Variants in LAMB2 observed in about 807,000 individuals in gnomAD.
LAMB2 encodes the protein laminin subunit beta 2.
In LAMB2, 119 loss-of-function variants were observed where a neutral mutation model predicts 202.7. The observed-to-expected ratio is 0.59, with a 90% CI of 0.51 to 0.68. The LOEUF (loss-of-function observed/expected upper bound fraction) is 0.68. Among genes scored for constraint, LAMB2 ranks in the 30% least tolerant of loss-of-function variants. The probability of loss-of-function intolerance (pLI) is 0.00; values close to 1 mark genes in which losing one functional copy is unlikely to be tolerated. For synonymous variants in LAMB2, 818 were observed against 902.2 expected (o/e 0.91, Z 1.67); for missense variants, 2,124 against 2,410.6 (o/e 0.88, Z 2.49).
Position 49,124,455 on chromosome 3 carries a change from G to A in LAMB2, c.3267C>T (p.Gly1089=). The A allele has an allele frequency of 1.2e-6, 2 of 1,613,702 alleles. No homozygotes were observed. Among genetic ancestry groups the A allele is most frequent in the Non-Finnish European group, 1.7e-6 (2 of 1,180,038 alleles). Residue 1089 remains glycine, a synonymous_variant, in exon 22 of 32, where the codon GGC becomes GGT. Transcript: ENST00000305544. ...CAPNFWNLTS[G]HGCQPCACHP... The stretch of plus-strand genomic sequence containing the variant: ...GGCAGGCACAAGGCTGGCAACCATG[G>A]CCACTGGTGAGGTTCCAGAAGTTGG...
rs1272857661 is a variant in LAMB2, at chr3:49,133,011, A to G, written c.-144T>C. ...CCTCTGTCAGTTCCCAGGTCTGTCCAGCGGTCCCTCCGACAGCTTAGAGTC... is the reference window on the plus strand; with the variant it reads ...CCTCTGTCAGTTCCCAGGTCTGTCCGGCGGTCCCTCCGACAGCTTAGAGTC... On this transcript the variant is annotated 5_prime_UTR_variant, in exon 1 of 32. Transcript: ENST00000305544. The G allele has an allele frequency of 5.6e-6, 4 of 719,874 alleles. No homozygotes were observed. The highest frequency in any genetic ancestry group is 1.7e-5 in the African/African-American group (1 of 57,148). 44.6% of individuals were successfully genotyped at this position (719,874 alleles called of 1,614,324 possible).
intron 15 of LAMB2, 128 bp downstream of exon 15, chr3:49,128,330 G>T: frequency 8.0e-7 from 1 of 1,249,166 alleles, no homozygotes; most frequent in Non-Finnish European, 1.1e-6. Flanking sequence ...CTGGCAACCA[G>T]CATTCTGGAG....
chr3:49,126,126 T>C lies in LAMB2; in HGVS notation c.2185A>G (p.Met729Val), dbSNP rs924605921. ...GCAGCAGCATCACCCCCACTAAACA[T>C]CTCTAGCACCAGGACACGGGGCAGC... ...VLLPRVLVLE[M>V]FSGGDAAALE... The change falls in exon 17 of 32, where the codon ATG (methionine) becomes GTG (valine). Residue 729 changes from methionine to valine, a missense_variant. This residue lies in a region of LAMB2 where 1,702 missense variants were observed against 1,896.3 expected (regional missense o/e 0.90). Transcript: ENST00000305544. 6.2e-7 allele frequency: 1 copy of C among 1,613,114 alleles called. No individual in the cohort carries two copies. Among genetic ancestry groups the C allele is most frequent in the African/African-American group, 1.3e-5 (1 of 74,844 alleles).
rs2045479546 is a variant in LAMB2, at chr3:49,131,368, G to A, written c.712+11C>T. The A allele has an allele frequency of 6.2e-7, 1 of 1,613,478 alleles. No individual in the cohort carries two copies. Among genetic ancestry groups the A allele is most frequent in the Non-Finnish European group, 8.5e-7 (1 of 1,179,422 alleles). On this transcript the variant is annotated intron_variant, in intron 6 of 31. Coordinates refer to ENST00000305544, the MANE Select transcript of LAMB2 (RefSeq NM_002292.4). The surrounding 1 kb of genome is among the most constrained non-coding windows in gnomAD (Gnocchi z 5.0). The stretch of plus-strand genomic sequence containing the variant: ...ACGGACTGTGCCAGACTCAAAGGGT[G>A]GAGCACTCACTCTGAATCCGTGAGC...
rs2045328429 is a variant in LAMB2 at position 49,122,354 on chromosome 3, A to G, written c.4590T>C (p.Pro1530=). The change falls in exon 28 of 32, where the codon CCT becomes CCC. Residue 1530 remains proline (P), a synonymous_variant. Transcript: ENST00000305544. ...GTGTGGCCACCATTTCAATGCTATC[A>G]GGATCAGCCCCCTCCTCTATAGGGA... ...KDFLNQEGAD[P]DSIEMVATRV... is the part of the protein sequence containing the mutation. 2 of 1,613,254 alleles carry G rather than the reference A, an allele frequency of 1.2e-6. No homozygotes were observed. Among genetic ancestry groups the G allele is most frequent in the Middle Eastern group, 1.6e-4 (1 of 6,084 alleles).
Position 49,132,317 on chromosome 3 carries a change from G to A in LAMB2, c.338C>T (p.Thr113Ile), listed in dbSNP as rs2045489921. Residue 113 changes from threonine (T) to isoleucine (I), a missense_variant, in exon 3 of 32, where the codon ACC becomes ATC. Coordinates refer to ENST00000305544, the MANE Select transcript of LAMB2 (RefSeq NM_002292.4). This position sits in a 1 kb window ranked among gnomAD's most constrained non-coding sequence, Gnocchi z 4.6. ...PHSHRIQNVV[T>I]SFAPQRRAAW... ...TGCCCGCCGCTGTGGTGCAAAGCTGGTGACTACATTCTGGATGCGATGGCT... is the reference window on the plus strand; with the variant it reads ...TGCCCGCCGCTGTGGTGCAAAGCTGATGACTACATTCTGGATGCGATGGCT... 1 of 1,614,256 alleles carries A rather than the reference G, an allele frequency of 6.2e-7. No homozygotes were observed. Among genetic ancestry groups the A allele is most frequent in the Non-Finnish European group, 8.5e-7 (1 of 1,180,046 alleles).
chr3:49,123,869 T>A lies in LAMB2; in HGVS notation c.3656A>T (p.Gln1219Leu). Reference sequence around the variant, plus strand: ...AAAGGCACCCAGCACACCCGTCTGTTGCAACTCCTGCGCCCGCTGCTCTAG... The same window carrying A: ...AAAGGCACCCAGCACACCCGTCTGTAGCAACTCCTGCGCCCGCTGCTCTAG... Reference protein sequence around the residue: ...QRLEQRAQELQQTGVLGAFES... With the variant: ...QRLEQRAQELLQTGVLGAFES... The change falls in exon 24 of 32, where the codon CAA (glutamine) becomes CTA (leucine). Residue 1219 changes from glutamine to leucine, a missense_variant. Gln to Leu is a moderately radical substitution (Grantham distance 113, BLOSUM62 -2). Coordinates refer to ENST00000305544, the MANE Select transcript of LAMB2 (RefSeq NM_002292.4). 6.2e-7 allele frequency: 1 copy of A among 1,613,456 alleles called. No homozygotes were observed. The highest frequency in any genetic ancestry group is 8.5e-7 in the Non-Finnish European group (1 of 1,179,968).
At position 49,126,028 on chromosome 3, in the gene LAMB2, G is replaced by A; in HGVS notation, c.2283C>T (p.Pro761=). 1 of 1,614,184 alleles carries A rather than the reference G, an allele frequency of 6.2e-7. No homozygotes were observed. The highest frequency in any genetic ancestry group is 8.5e-7 in the Non-Finnish European group (1 of 1,180,026). ...EEGLVPSKTS[P]SEACAPLLIS... Reference sequence around the variant, plus strand: ...TGAGGAGGGGTGCGCAGGCCTCAGAGGGAGAAGTCTTGCTGGGCACCAGAC... The same window carrying A: ...TGAGGAGGGGTGCGCAGGCCTCAGAAGGAGAAGTCTTGCTGGGCACCAGAC... Residue 761 remains proline (P), a synonymous_variant, in exon 17 of 32, where the codon CCC becomes CCT. Coordinates refer to ENST00000305544, the MANE Select transcript of LAMB2 (RefSeq NM_002292.4).
chr3:49,124,405 G>A lies in LAMB2; in HGVS notation c.3317C>T (p.Thr1106Ile), dbSNP rs761571575. 2.4e-5 allele frequency: 39 copies of A among 1,613,488 alleles called. No individual in the cohort carries two copies. Among genetic ancestry groups the A allele is most frequent in the Non-Finnish European group, 3.3e-5 (39 of 1,179,830 alleles). ...AGGAGGGTCCCATACCTCGTTGCAGGTGGGGCCTCTGGCCCGGCTTGGGTG... is the reference window on the plus strand; with the variant it reads ...AGGAGGGTCCCATACCTCGTTGCAGATGGGGCCTCTGGCCCGGCTTGGGTG... ...ACHPSRARGP[T>I]CNEFTGQCHC... Residue 1106 changes from threonine to isoleucine, a missense_variant, in exon 22 of 32, where the codon ACC (threonine) becomes ATC (isoleucine). Coordinates refer to ENST00000305544, the MANE Select transcript of LAMB2 (RefSeq NM_002292.4).
rs1207488077 is a variant in LAMB2 at position 49,130,964 on chromosome 3, G to A, written c.901C>T (p.His301Tyr). Reference sequence around the variant, plus strand: ...AAGCCCCTTACCATGCCCTCAGCATGGGCTGGTGCCCCTGGGGCGGGTGCA... The same window carrying A: ...AAGCCCCTTACCATGCCCTCAGCATAGGCTGGTGCCCCTGGGGCGGGTGCA... ...ECAPAPGAPA[H>Y]AEGMVHGACI... Residue 301 changes from histidine to tyrosine, a missense_variant, in exon 7 of 32, where the codon CAT becomes TAT. Transcript: ENST00000305544. The surrounding 1 kb of genome is among the most constrained non-coding windows in gnomAD (Gnocchi z 5.0). 6.2e-7 allele frequency: 1 copy of A among 1,614,128 alleles called. No homozygotes were observed. Among genetic ancestry groups the A allele is most frequent in the Non-Finnish European group, 8.5e-7 (1 of 1,180,034 alleles).
Position 49,128,773 on chromosome 3 carries a change from G to A in LAMB2, c.1778C>T (p.Ser593Phe). Residue 593 changes from serine (S) to phenylalanine (F), a missense_variant, in exon 14 of 32, where the codon TCC (serine) becomes TTC (phenylalanine). Physicochemically the swap from Ser to Phe is radical, Grantham distance 155. Transcript: ENST00000305544. ...CCGCACGAAGCCTGAGCCAGTCCAG[G>A]ATGGAGTTTCCCCGGGGGTCACCAG... ...ERLVTPGETP[S>F]WTGSGFVRLQ... 18 of 1,614,126 alleles carry A rather than the reference G, an allele frequency of 1.1e-5. No individual in the cohort carries two copies. The highest frequency in any genetic ancestry group is 1.4e-5 in the Non-Finnish European group (17 of 1,180,006).
chr3:49,128,499 G>A lies in LAMB2; in HGVS notation c.1977C>T (p.Pro659=), dbSNP rs1285598553. Residue 659 remains proline, a synonymous_variant, in exon 15 of 32, where the codon CCC becomes CCT. Transcript: ENST00000305544. ...GAGTCCCTTGGATGCGATCATCCTT[G>A]GGCACCAAATGCCCACACAGGCTGT... The part of the protein sequence containing the change: ...PAHSLCGHLV[P]KDDRIQGTLQ... 4.3e-6 allele frequency: 7 copies of A among 1,613,978 alleles called. No individual in the cohort carries two copies. Among genetic ancestry groups the A allele is most frequent in the Admixed American group, 1.7e-5 (1 of 59,998 alleles).
In LAMB2 at chr3:49,125,350, G is replaced by A. The variant is rs1424113239; in HGVS notation, c.2623C>T (p.Arg875Trp). 20 of 1,613,966 alleles carry A rather than the reference G, an allele frequency of 1.2e-5. No individual in the cohort carries two copies. In the East Asian group the frequency reaches 1.8e-4, roughly 14 times the overall value. ...QRGQWGFPSC[R>W]PCVCNGHADE... Reference sequence around the variant, plus strand: ...GCATGCCCATTGCAGACACATGGCCGGCAGCTAGGGAATCCCCACTGGCCA... The same window carrying A: ...GCATGCCCATTGCAGACACATGGCCAGCAGCTAGGGAATCCCCACTGGCCA... The change falls in exon 19 of 32, where the codon CGG becomes TGG. Residue 875 changes from arginine (R) to tryptophan (W), a missense_variant. By Grantham distance (101) the Arg-to-Trp change is moderately radical. This residue lies in a region of LAMB2 where 1,702 missense variants were observed against 1,896.3 expected (regional missense o/e 0.90). Transcript: ENST00000305544.
chr3:49,127,760 C>T (rs981778240), intron 15 of LAMB2, among the ~76,000 whole-genome samples: 10 of 151,498 alleles, frequency 6.6e-5, no homozygotes, highest in Non-Finnish European at 1.2e-4. Flanking sequence ...GTGGCTCACA[C>T]CTGTAATCCC....
At position 49,122,011 on chromosome 3, in the gene LAMB2, C is replaced by A. The variant is rs1318044416; in HGVS notation, c.4856G>T (p.Gly1619Val). ...CCCCCGGATGGCACCCTGGGCAATA[C>A]CCTGTGCCCGCTGGGCCTCCTCCAG... ...AALEEAQRAQ[G>V]IAQGAIRGAV... is the part of the protein sequence containing the mutation. The change falls in exon 29 of 32, where the codon GGT becomes GTT. Residue 1619 changes from glycine to valine, a missense_variant. Around this residue, in one of 3 missense-constraint regions of LAMB2, gnomAD observed 1,702 missense variants for 1,896.3 expected, o/e 0.90. Coordinates refer to ENST00000305544, the MANE Select transcript of LAMB2 (RefSeq NM_002292.4). The A allele has an allele frequency of 1.4e-5, 23 of 1,613,708 alleles. No individual in the cohort carries two copies. The highest frequency in any genetic ancestry group is 1.9e-5 in the Non-Finnish European group (23 of 1,180,032).
rs1026412387 is a variant in LAMB2, at chr3:49,131,473, G to C, written c.649-31C>G. On this transcript the variant is annotated intron_variant, in intron 5 of 31. Transcript: ENST00000305544. This position sits in a 1 kb window ranked among gnomAD's most constrained non-coding sequence, Gnocchi z 5.0. Reference sequence around the variant, plus strand: ...GAAGCAGGGAGTTCATAGTCACACTGGACCTTGCCTCAGGCCCATCATCCC... The same window carrying C: ...GAAGCAGGGAGTTCATAGTCACACTCGACCTTGCCTCAGGCCCATCATCCC... The C allele has an allele frequency of 6.2e-7, 1 of 1,613,816 alleles. No homozygotes were observed. Among genetic ancestry groups the C allele is most frequent in the African/African-American group, 1.3e-5 (1 of 74,892 alleles).
chr3:49,129,224 G>A lies in LAMB2; in HGVS notation c.1598+21C>T. On this transcript the variant is annotated intron_variant, in intron 12 of 31. Transcript: ENST00000305544. This position sits in a 1 kb window ranked among gnomAD's most constrained non-coding sequence, Gnocchi z 6.1. Reference sequence around the variant, plus strand: ...CAGGATCTTTCCCCATCCCTTCCCAGGCCCCCTTTACAACACTTACTGGGG... The same window carrying A: ...CAGGATCTTTCCCCATCCCTTCCCAAGCCCCCTTTACAACACTTACTGGGG... 4 of 1,614,098 alleles carry A rather than the reference G, an allele frequency of 2.5e-6. No homozygotes were observed. Among genetic ancestry groups the A allele is most frequent in the Non-Finnish European group, 8.5e-7 (1 of 1,180,002 alleles).
Position 49,123,295 on chromosome 3 carries a change from A to G in LAMB2, c.4061T>C (p.Val1354Ala), listed in dbSNP as rs200921264. 1.2e-6 allele frequency: 2 copies of G among 1,614,064 alleles called. No homozygotes were observed. Among genetic ancestry groups the G allele is most frequent in the Admixed American group, 1.7e-5 (1 of 60,024 alleles). Residue 1354 changes from valine (V) to alanine (A), a missense_variant, in exon 26 of 32, where the codon GTA (valine) becomes GCA (alanine). This residue lies in a region of LAMB2 where 1,702 missense variants were observed against 1,896.3 expected (regional missense o/e 0.90). Coordinates refer to ENST00000305544, the MANE Select transcript of LAMB2 (RefSeq NM_002292.4). ...TGCCGAGTTGCTCACAGGGCTAGGT[A>G]CTGCCAGGGCTGAGGTATTGGCACG... ...ERRANTSALA[V>A]PSPVSNSASA...
chr3:49,130,751 T>C lies in LAMB2; in HGVS notation c.1025A>G (p.His342Arg), dbSNP rs747053168. The C allele has an allele frequency of 1.2e-6, 2 of 1,614,030 alleles. No homozygotes were observed. Among genetic ancestry groups the C allele is most frequent in the South Asian group, 1.1e-5 (1 of 91,086 alleles). Residue 342 changes from histidine to arginine, a missense_variant, in exon 8 of 32, where the codon CAT (histidine) becomes CGT (arginine). Around this residue, in one of 3 missense-constraint regions of LAMB2, gnomAD observed 256 missense variants for 356.1 expected, o/e 0.72. Coordinates refer to ENST00000305544, the MANE Select transcript of LAMB2 (RefSeq NM_002292.4). This position sits in a 1 kb window ranked among gnomAD's most constrained non-coding sequence, Gnocchi z 5.0. ...AAGATCTCACTCACTCCTACAGGCA[T>C]GACTATGGCCGTCCTCAGCCGGACG... ...PWRPAEDGHS[H>R]ACRKCECHGH... is the part of the protein sequence containing the mutation.
Sources: gnomAD v4.1 joint callset for allele counts (sites outside exome capture counted in the v4.1 genomes callset) on GRCh38, gnomAD v4.1.1 for gene constraint, gnomAD v4.1.1 regional missense constraint, Gnocchi (gnomAD v3.1) non-coding constraint, MANE v1.5 for transcripts, NCBI Gene and HGNC (gene_info 2026-07-23, HGNC 2026-07-21) for gene names.